PHTF2: variants seen among roughly 807,000 people sequenced by gnomAD.
The protein encoded by PHTF2 is putative homeodomain transcription factor 2.
In PHTF2, 60 loss-of-function variants were observed where a neutral mutation model predicts 101.2. That is an observed-to-expected ratio of 0.59 (90% CI 0.48 to 0.73). The LOEUF is 0.73. PHTF2 is among the 30% of genes least tolerant of loss of function. The pLI is 0.00. For missense variants in PHTF2, 747 were observed against 908.7 expected (o/e 0.82, Z 2.29); for synonymous variants, 311 against 307.3 (o/e 1.01, Z -0.13).
chr7:77,923,411 CTA>C (rs1364313880), intron 11 of PHTF2: 5 of 981,690 alleles, frequency 5.1e-6, no homozygotes, highest in Non-Finnish European at 6.0e-6. Flanking sequence ...TCTTTTTGAG[CTA>C]TGTTAGTAAT....
At chr7:77,877,156 C>T (rs572363240) in intron 3 of PHTF2, among the ~76,000 whole-genome samples, 3 of 149,872 alleles carry the variant, frequency 2.0e-5, no homozygotes, top group Admixed American at 6.7e-5. Context: ...CGCTCTGTCA[C>T]CCAGGCTGGA....
chr7:77,859,435 A>G (rs549745339), intron 3 of PHTF2, among the ~76,000 whole-genome samples: 1 of 152,140 alleles, frequency 6.6e-6, no homozygotes, highest in Non-Finnish European at 1.5e-5. Flanking sequence ...CAGGATCCCA[A>G]ATATTTTCTT....
In PHTF2 at chr7:77,915,369, G is replaced by A. The variant is rs376115921; in HGVS notation, c.777-4910G>A. Among the ~76,000 whole-genome samples, 15 of 151,642 alleles carry A rather than the reference G, an allele frequency of 9.9e-5. No homozygotes were observed. In the East Asian group the frequency reaches 1.4e-3, roughly 14 times the overall value. ...AAGTAGCTGGGACTACAGGTCCCACGCCCAGCTAATTTTTGTATTTTTTAG... is the reference window on the plus strand; with the variant it reads ...AAGTAGCTGGGACTACAGGTCCCACACCCAGCTAATTTTTGTATTTTTTAG... On this transcript the variant is annotated intron_variant, in intron 9 of 19. Coordinates refer to ENST00000416283, the Ensembl canonical transcript of PHTF2.
intron 5 of PHTF2, chr7:77,895,812 G>A (rs1418797487): frequency 6.6e-6 from 1 of 152,124 alleles, no homozygotes; most frequent in African/African-American, 2.4e-5. Flanking sequence ...TCTGAAGTGT[G>A]TCTCCCTTTA....
At chr7:77,846,483 G>C (rs1796289949) in intron 2 of PHTF2, among the ~76,000 whole-genome samples, 1 of 152,104 alleles carries the variant, frequency 6.6e-6, no homozygotes, top group Non-Finnish European at 1.5e-5. Flanking sequence ...ATAGAGGGTT[G>C]CCTTCCTGTC....
chr7:77,807,388 A>G (rs1201070023), intron 1 of PHTF2, among the ~76,000 whole-genome samples: 2 of 152,006 alleles, frequency 1.3e-5, no homozygotes, highest in East Asian at 3.8e-4. Flanking sequence ...TTTTTATGAT[A>G]GCCATCCTAA....
chr7:77,902,354 G>T (rs138280663), intron 7 of PHTF2, among the ~76,000 whole-genome samples: 95 of 152,082 alleles, frequency 6.2e-4, no homozygotes, highest in Admixed American at 9.2e-4. Context: ...ACTCTGCTAG[G>T]TGCTTTCTAG....
At chr7:77,854,386 C>T (rs907300819) in intron 2 of PHTF2, among the ~76,000 whole-genome samples, 8 of 152,142 alleles carry the variant, frequency 5.3e-5, no homozygotes, top group Admixed American at 5.2e-4. Flanking sequence ...TAGGACTGTG[C>T]AGGTTAGACC....
At chr7:77,947,085 C>T (rs1806110984) in intron 16 of PHTF2, among the ~76,000 whole-genome samples, 1 of 152,002 alleles carries the variant, frequency 6.6e-6, no homozygotes. Context: ...TGTGCCACTG[C>T]ACTCCAGCCT....
At chr7:77,860,260 G>A (rs766519510) in intron 3 of PHTF2, among the ~76,000 whole-genome samples, 1 of 152,140 alleles carries the variant, frequency 6.6e-6, no homozygotes, top group African/African-American at 2.4e-5. Flanking sequence ...GTCGACATGT[G>A]CAGTTTAAAA....
rs34141515 is a variant in PHTF2, at chr7:77,809,224, G to GTTTTTTT, written c.-36+10267_-36+10273dup. Among the ~76,000 whole-genome samples, 36 of 98,488 alleles carry GTTTTTTT rather than the reference G, an allele frequency of 3.7e-4. 4 individuals are homozygous for GTTTTTTT. The highest frequency in any genetic ancestry group is 1.1e-3 in the African/African-American group (24 of 22,352). 64.6% of individuals were successfully genotyped at this position (98,488 alleles called of 152,430 possible). Reference sequence around the variant, plus strand: ...TTTTCCTATATAAACCCAGTTCGTTGTTTTTTTTTTTTTTTTTTTTGAGAT... The same window carrying GTTTTTTT: ...TTTTCCTATATAAACCCAGTTCGTTGTTTTTTTTTTTTTTTTTTTTTTTTTTTGAGAT... On this transcript the variant is annotated intron_variant, in intron 1 of 19. Coordinates refer to ENST00000416283, the Ensembl canonical transcript of PHTF2.
intron 1 of PHTF2, among the ~76,000 whole-genome samples, chr7:77,829,372 C>A (rs1176212839): frequency 6.6e-6 from 1 of 152,140 alleles, no homozygotes; most frequent in Non-Finnish European, 1.5e-5. Flanking sequence ...TACAAATATT[C>A]TTTTTATGAC....
chr7:77,813,166 C>G (rs1584367096), intron 1 of PHTF2, among the ~76,000 whole-genome samples: 2 of 152,030 alleles, frequency 1.3e-5, no homozygotes, highest in Middle Eastern at 6.8e-3. Flanking sequence ...GTATTTAAAC[C>G]AAGATATTAG....
At chr7:77,826,481 A>G (rs1368881941) in intron 1 of PHTF2, among the ~76,000 whole-genome samples, 2 of 152,174 alleles carry the variant, frequency 1.3e-5, no homozygotes, top group African/African-American at 4.8e-5. Flanking sequence ...GATCTTTCCT[A>G]TCTATGAACA....
At chr7:77,879,893 C>G (rs17159115) in intron 3 of PHTF2, among the ~76,000 whole-genome samples, 3,147 of 152,326 alleles carry the variant, frequency 0.021, 91 homozygotes, top group African/African-American at 0.071. Context: ...ACAAAAGCAT[C>G]TAGCCTAACA....
At chr7:77,819,583 C>G (rs1303890975) in intron 1 of PHTF2, among the ~76,000 whole-genome samples, 1 of 152,136 alleles carries the variant, frequency 6.6e-6, no homozygotes, top group African/African-American at 2.4e-5. Context: ...CAGATAAATT[C>G]CCCTGAATCA....
intron 16 of PHTF2, among the ~76,000 whole-genome samples, chr7:77,944,701 T>C (rs989690440): frequency 1.8e-4 from 27 of 152,172 alleles, no homozygotes; most frequent in Admixed American, 1.4e-3. Flanking sequence ...CAGGATTAGA[T>C]CTCCAGCTAT....
At chr7:77,821,114 T>C (rs1387976576) in intron 1 of PHTF2, among the ~76,000 whole-genome samples, 1 of 137,060 alleles carries the variant, frequency 7.3e-6, no homozygotes, top group African/African-American at 3.1e-5. Flanking sequence ...GATATAATAT[T>C]CTTGGATGGC....
intron 1 of PHTF2, among the ~76,000 whole-genome samples, chr7:77,835,772 T>C (rs1356015700): frequency 6.6e-6 from 1 of 152,150 alleles, no homozygotes; most frequent in Non-Finnish European, 1.5e-5. Flanking sequence ...TATGTTTATA[T>C]ACTGTATAAT....
Sources: gnomAD v4.1 joint callset for allele counts (sites outside exome capture counted in the v4.1 genomes callset) on GRCh38, gnomAD v4.1.1 for gene constraint, MANE v1.5 for transcripts, NCBI Gene and HGNC (gene_info 2026-07-23, HGNC 2026-07-21) for gene names.